Variants in VPS37A observed in about 807,000 individuals in gnomAD.
VPS37A encodes vacuolar protein sorting-associated protein 37A.
A neutral mutation model predicts 49.8 loss-of-function variants in VPS37A; 30 were observed. The observed-to-expected ratio is 0.60, with a 90% CI of 0.45 to 0.82. VPS37A has a LOEUF of 0.82. Ranked by LOEUF, VPS37A falls within the 40% of genes least tolerant of loss-of-function variation. The pLI is 0.00. For missense variants in VPS37A, 593 were observed against 464.4 expected (o/e 1.28, Z -2.55); for synonymous variants, 195 against 160.6 (o/e 1.21, Z -1.62).
intron 11 of VPS37A, among the ~76,000 whole-genome samples, chr8:17,290,045 A>G (rs1023406814): frequency 2.0e-5 from 3 of 152,170 alleles, no homozygotes; most frequent in Admixed American, 6.5e-5. Context: ...TTGCACATTG[A>G]TTTTGTATCC....
At chr8:17,328,926 T>G in the VPS37A span, among the ~76,000 whole-genome samples, 1 of 152,218 alleles carries the variant, frequency 6.6e-6, no homozygotes, top group African/African-American at 2.4e-5. Context: ...AAGTTAAAAT[T>G]AGATCATCTC....
intron 11 of VPS37A, chr8:17,286,665 C>T (rs1287937640): frequency 4.8e-6 from 2 of 417,570 alleles, no homozygotes; most frequent in African/African-American, 4.1e-5. Context: ...TTAACATTAG[C>T]TGCTAATGTA....
At chr8:17,308,516 A>G in the VPS37A span, among the ~76,000 whole-genome samples, 1 of 152,250 alleles carries the variant, frequency 6.6e-6, no homozygotes, top group African/African-American at 2.4e-5. Context: ...ATGCATTTAG[A>G]ATTTTAAGAA....
intron 11 of VPS37A, among the ~76,000 whole-genome samples, chr8:17,290,863 G>T (rs1816076153): frequency 6.6e-6 from 1 of 152,164 alleles, no homozygotes; most frequent in Non-Finnish European, 1.5e-5. Flanking sequence ...CTTGTTATTG[G>T]TCTATTCAGG....
chr8:17,328,241 A>T, the VPS37A span, among the ~76,000 whole-genome samples: 2 of 152,196 alleles, frequency 1.3e-5, no homozygotes, highest in East Asian at 3.9e-4. Flanking sequence ...AGGGTGTCCC[A>T]GTGGGGCACA....
rs758711083 is a variant in VPS37A, at chr8:17,280,187, C to CT, written c.841+33dup. 2.5e-6 allele frequency: 4 copies of CT among 1,609,346 alleles called. No individual in the cohort carries two copies. In the African/African-American group the frequency reaches 5.4e-5, roughly 22 times the overall value. On this transcript the variant is annotated intron_variant, in intron 7 of 11. Coordinates refer to ENST00000324849, the MANE Select transcript of VPS37A (RefSeq NM_152415.3). Reference sequence around the variant, plus strand: ...TTTCCCTCTCCTGAGCGCACATTTCCTGAAAAAAATCTCATCTTTACCTAG... The same window carrying CT: ...TTTCCCTCTCCTGAGCGCACATTTCCTTGAAAAAAATCTCATCTTTACCTAG...
At chr8:17,266,086 A>T in intron 2 of VPS37A, 105 bp downstream of exon 2, 1 of 962,478 alleles carries the variant, frequency 1.0e-6, no homozygotes. Context: ...TATTTCAAGT[A>T]ACTATAATTT....
At chr8:17,314,164 G>A in the VPS37A span, among the ~76,000 whole-genome samples, 1 of 152,190 alleles carries the variant, frequency 6.6e-6, no homozygotes, top group South Asian at 2.1e-4. Flanking sequence ...TTCAGAGCTA[G>A]TGTTCTGAGT....
chr8:17,312,098 G>GA, the VPS37A span, among the ~76,000 whole-genome samples: 1 of 152,082 alleles, frequency 6.6e-6, no homozygotes, highest in Non-Finnish European at 1.5e-5. Flanking sequence ...TTGAGGAAAG[G>GA]AAAAAACAAA....
the VPS37A span, chr8:17,331,360 A>G: frequency 4.9e-6 from 7 of 1,414,232 alleles, no homozygotes; most frequent in African/African-American, 8.7e-5. Context: ...CATTTCATGG[A>G]TACCCAATCA....
At chr8:17,285,453 A>G (rs1478399560) in intron 10 of VPS37A, among the ~76,000 whole-genome samples, 1 of 152,252 alleles carries the variant, frequency 6.6e-6, no homozygotes, top group Non-Finnish European at 1.5e-5. Context: ...GAAAAATCCA[A>G]AAAAGTCTGC....
At chr8:17,331,133 A>G in the VPS37A span, 3 of 1,607,194 alleles carry the variant, frequency 1.9e-6, no homozygotes, top group Non-Finnish European at 1.7e-6. Context: ...AATGCTGTGC[A>G]TAAGGAAATG....
At chr8:17,276,264 T>G in intron 5 of VPS37A, 133 bp from the exon 6 acceptor site, 22 of 658,940 alleles carry the variant, frequency 3.3e-5, no homozygotes, top group Non-Finnish European at 5.0e-5. Flanking sequence ...TAAGGCAGTG[T>G]GAGATGTGAA....
intron 2 of VPS37A, among the ~76,000 whole-genome samples, chr8:17,266,340 A>G (rs1209543300): frequency 6.6e-6 from 1 of 152,216 alleles, no homozygotes; most frequent in African/African-American, 2.4e-5. Context: ...TTAAATCAGA[A>G]ACAAGTTAAA....
At chr8:17,282,981 C>T (rs904503180) in intron 9 of VPS37A, among the ~76,000 whole-genome samples, 5 of 152,090 alleles carry the variant, frequency 3.3e-5, no homozygotes, top group African/African-American at 7.2e-5. Flanking sequence ...GAATAAATAA[C>T]TGGAAACTTT....
At chr8:17,302,268 T>C (rs564846266), downstream of VPS37A, 1 of 1,613,148 alleles carries the variant, frequency 6.2e-7, no homozygotes, top group Non-Finnish European at 8.5e-7. Flanking sequence ...GGTTATACAT[T>C]CCACTCCAAA....
At chr8:17,323,608 C>A in the VPS37A span, among the ~76,000 whole-genome samples, 1 of 152,052 alleles carries the variant, frequency 6.6e-6, no homozygotes, top group Admixed American at 6.6e-5. Flanking sequence ...GCCAGTAACT[C>A]AAGTGGTAAA....
intron 10 of VPS37A, among the ~76,000 whole-genome samples, chr8:17,284,869 G>A (rs1815437803): frequency 6.6e-6 from 1 of 152,018 alleles, no homozygotes; most frequent in Non-Finnish European, 1.5e-5. Flanking sequence ...TATTCCCAGG[G>A]GACCCCAGGG....
the VPS37A span, among the ~76,000 whole-genome samples, chr8:17,311,287 C>T: frequency 2.0e-5 from 3 of 152,182 alleles, no homozygotes; most frequent in East Asian, 5.8e-4. Flanking sequence ...GTAGCATTGA[C>T]TTGAAATGGT....
Sources: allele counts gnomAD v4.1 joint callset (sites outside exome capture counted in the v4.1 genomes callset), GRCh38; gene constraint gnomAD v4.1.1; transcripts MANE v1.5; gene names NCBI Gene and HGNC (gene_info 2026-07-23, HGNC 2026-07-21).